The following EML4 variants were observed in gnomAD, a reference collection of about 807,000 sequenced individuals.
EML4 encodes EMAP like 4.
A neutral mutation model predicts 129.0 loss-of-function variants in EML4; 72 were observed. That is an observed-to-expected ratio of 0.56 (90% CI 0.46 to 0.68). The LOEUF is 0.68. Among genes scored for constraint, EML4 ranks in the 30% least tolerant of loss-of-function variants. EML4 has a pLI of 0.00. For missense variants in EML4, 1,363 were observed against 1,190.6 expected (o/e 1.14, Z -2.13); for synonymous variants, 532 against 405.0 (o/e 1.31, Z -3.77).
At chr2:42,282,729 ATTGTACC>A in intron 7 of EML4, 87 bp from the exon 8 acceptor site, 1 of 1,129,760 alleles carries the variant, frequency 8.9e-7, no homozygotes, top group Non-Finnish European at 1.3e-6. Context: ...AGTCTTCTTC[ATTGTACC>A]TTCCTAATTC....
chr2:42,225,893 T>A (rs2104149825), intron 1 of EML4, among the ~76,000 whole-genome samples: 1 of 152,300 alleles, frequency 6.6e-6, no homozygotes, highest in East Asian at 1.9e-4. Context: ...TGAATTTATG[T>A]CCTTGGGATT....
intron 1 of EML4, among the ~76,000 whole-genome samples, chr2:42,187,386 TATA>T (rs1371227311): frequency 6.6e-6 from 1 of 152,118 alleles, no homozygotes. Flanking sequence ...ACTGGGATCT[TATA>T]ATCTGTGGTC....
chr2:42,232,423 C>T (rs1240568975), intron 1 of EML4, among the ~76,000 whole-genome samples: 1 of 152,184 alleles, frequency 6.6e-6, no homozygotes, highest in Non-Finnish European at 1.5e-5. Context: ...ATAGTTGACA[C>T]CTGAATTATA....
intron 1 of EML4, among the ~76,000 whole-genome samples, chr2:42,231,325 C>G (rs970700825): frequency 3.3e-5 from 5 of 152,212 alleles, no homozygotes; most frequent in Middle Eastern, 3.2e-3. Flanking sequence ...CTTTCTCACT[C>G]CAAGTCATCA....
At position 42,256,579 on chromosome 2, in the gene EML4, C is replaced by G; in HGVS notation, c.287C>G (p.Thr96Ser). The change falls in exon 3 of 23, where the codon ACC becomes AGC. Residue 96 changes from threonine to serine, a missense_variant. Physicochemically the swap from Thr to Ser is moderately conservative, Grantham distance 58 (BLOSUM62 1). Coordinates refer to ENST00000318522, the MANE Select transcript of EML4 (RefSeq NM_019063.5). ...GGTGCAAACAGAAAACCAAGTCATACCAGTGCTGTCTCAATTGCAGGAAAA... is the reference window on the plus strand; with the variant it reads ...GGTGCAAACAGAAAACCAAGTCATAGCAGTGCTGTCTCAATTGCAGGAAAA... The part of the protein sequence containing the change: ...GSGANRKPSH[T>S]SAVSIAGKET... 6.2e-7 allele frequency: 1 copy of G among 1,613,898 alleles called. No homozygotes were observed. The highest frequency in any genetic ancestry group is 8.5e-7 in the Non-Finnish European group (1 of 1,179,880).
In EML4 at chr2:42,194,535, A is replaced by C. The variant is rs1671788058; in HGVS notation, c.25+24899A>C. Among the ~76,000 whole-genome samples, 3 of 143,998 alleles carry C rather than the reference A, an allele frequency of 2.1e-5. No individual in the cohort carries two copies. In the South Asian group the frequency reaches 6.5e-4, roughly 31 times the overall value. 94.5% of individuals were successfully genotyped at this position (143,998 alleles called of 152,430 possible). On this transcript the variant is annotated intron_variant, in intron 1 of 22. Transcript: ENST00000318522. ...CCTTTTTTATTTCTTTTTTTTTTTT[A>C]GACAAGGTCTTGCCCTGTTGCCCAG...
chr2:42,261,304 G>C lies in EML4; in HGVS notation c.512+10G>C. The C allele has an allele frequency of 1.2e-6, 2 of 1,608,186 alleles. No individual in the cohort carries two copies. The highest frequency in any genetic ancestry group is 2.2e-5 in the South Asian group (2 of 90,214). ...CTACTCCCACCAAAAGGTTTTAACT[G>C]TCCCCAAGTACAGAGCTAGGGAATG... On this transcript the variant is annotated intron_variant, in intron 4 of 22. Coordinates refer to ENST00000318522, the MANE Select transcript of EML4 (RefSeq NM_019063.5).
Position 42,224,263 on chromosome 2 carries a change from G to T in EML4, c.26-21242G>T, listed in dbSNP as rs1443958048. 1.3e-5 allele frequency among the ~76,000 whole-genome samples: 2 copies of T among 152,028 alleles called. 1 individual carries two copies. ...GCTGCTAATCTACTTTATCTTACAG[G>T]TTTGCCTGTTCAGGACATTATGTAA... On this transcript the variant is annotated intron_variant, in intron 1 of 22. Coordinates refer to ENST00000318522, the MANE Select transcript of EML4 (RefSeq NM_019063.5).
At position 42,226,859 on chromosome 2, in the gene EML4, T is replaced by C. The variant is rs193262202; in HGVS notation, c.26-18646T>C. On this transcript the variant is annotated intron_variant, in intron 1 of 22. Transcript: ENST00000318522. The stretch of plus-strand genomic sequence containing the variant: ...TATACACCATAAATATATACAACTT[T>C]TACTTGTCAATTAAAAAGTAAATTT... Among the ~76,000 whole-genome samples the C allele has an allele frequency of 7.7e-4, 117 of 152,134 alleles. 1 individual carries two copies. The East Asian group carries it at 0.015, about 20-fold the overall frequency.
At chr2:42,296,521 A>T (rs1240603321) in intron 13 of EML4, among the ~76,000 whole-genome samples, 2 of 151,986 alleles carry the variant, frequency 1.3e-5, no homozygotes, top group East Asian at 3.9e-4. Context: ...TCAGACCATG[A>T]AAATCACCCT....
chr2:42,194,194 T>C (rs2719138), intron 1 of EML4, among the ~76,000 whole-genome samples: 47,414 of 151,940 alleles, frequency 0.31, 7,683 homozygotes, highest in East Asian at 0.57. Context: ...GGATATCCTG[T>C]GGTGTTTGGT....
At chr2:42,239,734 T>A (rs1363138733) in intron 1 of EML4, among the ~76,000 whole-genome samples, 1 of 151,590 alleles carries the variant, frequency 6.6e-6, no homozygotes, top group East Asian at 1.9e-4. Flanking sequence ...GGGATTACCA[T>A]TTTTAGCTTA....
intron 2 of EML4, among the ~76,000 whole-genome samples, chr2:42,254,838 A>G (rs1676019397): frequency 6.6e-6 from 1 of 152,222 alleles, no homozygotes; most frequent in African/African-American, 2.4e-5. Context: ...TTTTACACAA[A>G]TGTTTATGGC....
At chr2:42,223,338 C>G (rs1673742650) in intron 1 of EML4, among the ~76,000 whole-genome samples, 1 of 152,114 alleles carries the variant, frequency 6.6e-6, no homozygotes, top group Admixed American at 6.5e-5. Flanking sequence ...GTCCTAACTT[C>G]CTAGCCATTA....
rs556267954 is a variant in EML4, at chr2:42,261,004, A to G, written c.339-117A>G. On this transcript the variant is annotated intron_variant, in intron 3 of 22. Transcript: ENST00000318522. ...GTCCTTATTGAATGAAAACAGTGCAAATTGTATTAGCTGTATGACTTAGGG... is the reference window on the plus strand; with the variant it reads ...GTCCTTATTGAATGAAAACAGTGCAGATTGTATTAGCTGTATGACTTAGGG... 4.5e-4 allele frequency: 327 copies of G among 729,578 alleles called. 1 individual carries two copies. The African/African-American group carries it at 5.1e-3, about 11-fold the overall frequency. 45.2% of individuals were successfully genotyped at this position (729,578 alleles called of 1,614,324 possible). A position where few individuals can be genotyped will look rare whatever the true frequency, so the allele number is the denominator to read the frequency against.
At chr2:42,214,093 A>G (rs2104045262) in intron 1 of EML4, among the ~76,000 whole-genome samples, 1 of 152,374 alleles carries the variant, frequency 6.6e-6, no homozygotes. Flanking sequence ...ACAAAAATGT[A>G]GAAGTTTAAA....
intron 1 of EML4, among the ~76,000 whole-genome samples, chr2:42,196,460 C>T (rs574176554): frequency 6.6e-6 from 1 of 152,124 alleles, no homozygotes; most frequent in African/African-American, 2.4e-5. Context: ...CTGATAACAG[C>T]AGAATTTGAG....
chr2:42,174,663 A>G (rs994621671), intron 1 of EML4, among the ~76,000 whole-genome samples: 11 of 152,060 alleles, frequency 7.2e-5, no homozygotes, highest in African/African-American at 2.4e-4. Flanking sequence ...TAATACCTTA[A>G]TTTTGCATGC....
intron 1 of EML4, among the ~76,000 whole-genome samples, chr2:42,191,136 A>G (rs1002388513): frequency 2.0e-5 from 3 of 152,210 alleles, no homozygotes; most frequent in African/African-American, 7.2e-5. Context: ...AAGCCCTGAT[A>G]AACTTAGTTT....
Sources: gnomAD v4.1 joint callset for allele counts (sites outside exome capture counted in the v4.1 genomes callset) on GRCh38, gnomAD v4.1.1 for gene constraint, MANE v1.5 for transcripts, NCBI Gene and HGNC (gene_info 2026-07-23, HGNC 2026-07-21) for gene names.